SERAC1: variants seen among roughly 807,000 people sequenced by gnomAD.
The protein encoded by SERAC1 is serine active site containing 1.
In SERAC1, 36 loss-of-function variants were observed where a neutral mutation model predicts 85.7. The observed-to-expected ratio is 0.42, with a 90% CI of 0.32 to 0.55. SERAC1 has a LOEUF of 0.55. SERAC1 is among the 20% of genes least tolerant of loss of function. The probability of loss-of-function intolerance (pLI) is 0.11; values close to 1 mark genes in which losing one functional copy is unlikely to be tolerated. For synonymous variants in SERAC1, 242 were observed against 265.3 expected (o/e 0.91, Z 0.85); for missense variants, 629 against 796.2 (o/e 0.79, Z 2.53).
chr6:158,163,914 T>C (rs1044605085), intron 1 of SERAC1, among the ~76,000 whole-genome samples: 1 of 151,834 alleles, frequency 6.6e-6, no homozygotes, highest in African/African-American at 2.4e-5. Context: ...TTTTTGTATT[T>C]TGGGTAGAGA....
rs376812391 is a variant in SERAC1 at position 158,137,809 on chromosome 6, G to C, written c.738+5247C>G. ...TGAGAGGATCACTTGAGCCCAGAAG[G>C]TGGAGGTTGTAGTGAGCTGAGACCA... On this transcript the variant is annotated intron_variant, in intron 8 of 16. Transcript: ENST00000647468. 3.3e-5 allele frequency among the ~76,000 whole-genome samples: 5 copies of C among 152,136 alleles called. No homozygotes were observed. The East Asian group carries it at 9.7e-4, about 30-fold the overall frequency.
chr6:158,133,271 C>T (rs1252073345), intron 8 of SERAC1, among the ~76,000 whole-genome samples: 1 of 150,728 alleles, frequency 6.6e-6, no homozygotes, highest in African/African-American at 2.4e-5. Context: ...TGCACCCCAG[C>T]CTGGGCAACA....
intron 2 of SERAC1, among the ~76,000 whole-genome samples, chr6:158,156,959 A>G (rs12196435): frequency 0.21 from 21,602 of 103,508 alleles, 2,598 homozygotes; most frequent in Middle Eastern, 0.4. Context: ...TATTTATATA[A>G]ATATTAATAT....
At chr6:158,166,301 A>C (rs1744357252) in intron 1 of SERAC1, 1 of 152,176 alleles carries the variant, frequency 6.6e-6, no homozygotes. Flanking sequence ...GTGGTATACT[A>C]AACTCCCGTA....
chr6:158,116,178 C>CACTT lies in SERAC1; in HGVS notation c.1501+3_1501+6dup, dbSNP rs780783562. The CACTT allele has an allele frequency of 1.4e-5, 22 of 1,611,682 alleles. No homozygotes were observed. The highest frequency in any genetic ancestry group is 1.1e-4 in the African/African-American group (8 of 74,864). On this transcript the variant is annotated splice_region_variant and intron_variant, in intron 14 of 16. Transcript: ENST00000647468. The stretch of plus-strand genomic sequence containing the variant: ...TGGCCACTTCACAAAGTTGAAGCCA[C>CACTT]ACTTACCTCCCATGCTATGTGATAT...
intron 10 of SERAC1, among the ~76,000 whole-genome samples, chr6:158,124,748 AACACACACACACACACACAC>A (rs201023302): frequency 1.4e-4 from 18 of 131,478 alleles, no homozygotes; most frequent in East Asian, 8.8e-4. Flanking sequence ...AATGCTGGAA[AACACACACACACACACACAC>A]ACACACACAC....
In SERAC1 at chr6:158,125,805, G is replaced by A. The variant is rs113561416; in HGVS notation, c.1015+2303C>T. On this transcript the variant is annotated intron_variant, in intron 10 of 16. Transcript: ENST00000647468. The stretch of plus-strand genomic sequence containing the variant: ...GCAGGGGATGTGAACTGAATTATGG[G>A]GTTGTAAGGATCTTACATCATATGA... Among the ~76,000 whole-genome samples, 1,292 of 152,144 alleles carry A rather than the reference G, an allele frequency of 8.5e-3. 10 individuals carry two copies. Among genetic ancestry groups the A allele is most frequent in the South Asian group, 0.028 (135 of 4,816 alleles).
rs375304081 is a variant in SERAC1, at chr6:158,117,841, T to C, written c.1309-20A>G. ...CCATGTCTAAGTAAAATAAAACATATGTGAGAACAAGTATGAATCTTCACC... is the reference window on the plus strand; with the variant it reads ...CCATGTCTAAGTAAAATAAAACATACGTGAGAACAAGTATGAATCTTCACC... On this transcript the variant is annotated intron_variant, in intron 12 of 16. Coordinates refer to ENST00000647468, the MANE Select transcript of SERAC1 (RefSeq NM_032861.4). The surrounding 1 kb of genome is among the most constrained non-coding windows in gnomAD (Gnocchi z 4.3). 1.9e-6 allele frequency: 3 copies of C among 1,588,720 alleles called. No homozygotes were observed. The highest frequency in any genetic ancestry group is 2.6e-6 in the Non-Finnish European group (3 of 1,158,416).
At chr6:158,142,508 C>T (rs1271361521) in intron 8 of SERAC1, among the ~76,000 whole-genome samples, 1 of 145,512 alleles carries the variant, frequency 6.9e-6, no homozygotes, top group Admixed American at 6.9e-5. Context: ...GGCGGAGTCT[C>T]GCTCTGTCAC....
chr6:158,119,041 C>A lies in SERAC1; in HGVS notation c.1296G>T (p.Thr432=). ...KPMEDEDRYT[T]CWPKTWLAKD... ...GTGGCTCCCTTACCTTGGGCCAGCA[C>A]GTCGTATATCTGTCTTCATCCTCCA... The change falls in exon 12 of 17, where the codon ACG becomes ACT. Residue 432 remains threonine (T), a synonymous_variant. Transcript: ENST00000647468. The surrounding 1 kb of genome is among the most constrained non-coding windows in gnomAD (Gnocchi z 4.5). The A allele has an allele frequency of 1.9e-6, 3 of 1,612,828 alleles. No individual in the cohort carries two copies. Among genetic ancestry groups the A allele is most frequent in the South Asian group, 2.2e-5 (2 of 90,804 alleles).
Position 158,114,788 on chromosome 6 carries a change from C to G in SERAC1, c.1684+1G>C. Reference sequence around the variant, plus strand: ...ATTTCCTTTATGACAAAAAGTATTACCCTTGCTGAGTTCTTTGACTTCCAA... The same window carrying G: ...ATTTCCTTTATGACAAAAAGTATTAGCCTTGCTGAGTTCTTTGACTTCCAA... On this transcript the variant is annotated splice_donor_variant, in intron 15 of 16. Coordinates refer to ENST00000647468, the MANE Select transcript of SERAC1 (RefSeq NM_032861.4). LOFTEE classifies it high-confidence loss of function. 1.2e-6 allele frequency: 2 copies of G among 1,613,712 alleles called. No homozygotes were observed. Among genetic ancestry groups the G allele is most frequent in the African/African-American group, 2.7e-5 (2 of 75,028 alleles).
chr6:158,113,540 G>A lies in SERAC1; in HGVS notation c.1737C>T (p.Asp579=), dbSNP rs753615790. Residue 579 remains aspartate, a synonymous_variant, in exon 16 of 17, where the codon GAC becomes GAT. Coordinates refer to ENST00000647468, the MANE Select transcript of SERAC1 (RefSeq NM_032861.4). The part of the protein sequence containing the change: ...LQDDFLEFAK[D]KNFQVLNFVE... Reference sequence around the variant, plus strand: ...CAAAATTCAGCACCTGGAAGTTTTTGTCTTTAGCAAACTCCAGAAAGTCAT... The same window carrying A: ...CAAAATTCAGCACCTGGAAGTTTTTATCTTTAGCAAACTCCAGAAAGTCAT... 1.9e-6 allele frequency: 3 copies of A among 1,613,662 alleles called. No individual in the cohort carries two copies. Among genetic ancestry groups the A allele is most frequent in the Non-Finnish European group, 1.7e-6 (2 of 1,179,598 alleles).
chr6:158,124,667 C>A (rs1784495834), intron 10 of SERAC1, among the ~76,000 whole-genome samples: 1 of 150,118 alleles, frequency 6.7e-6, no homozygotes, highest in African/African-American at 2.5e-5. Context: ...TATAAGAGAA[C>A]AAAAGTGGGA....
intron 4 of SERAC1, 25 bp from the exon 5 acceptor site, chr6:158,148,979 AAACC>A (rs762616543): frequency 7.1e-6 from 11 of 1,541,326 alleles, no homozygotes; most frequent in Admixed American, 2.0e-5. Flanking sequence ...AAATTAAGTA[AAACC>A]AAGAATGTAT....
intron 14 of SERAC1, 136 bp from the exon 15 acceptor site, chr6:158,115,107 TCTGTA>T: frequency 2.3e-6 from 2 of 885,472 alleles, no homozygotes; most frequent in Non-Finnish European, 3.4e-6. Context: ...TAAACAATTC[TCTGTA>T]CAGTAGTATA....
intron 8 of SERAC1, among the ~76,000 whole-genome samples, chr6:158,135,088 A>G (rs1001922417): frequency 6.6e-6 from 1 of 152,112 alleles, no homozygotes; most frequent in Non-Finnish European, 1.5e-5. Context: ...CAATCTACAA[A>G]CCACTGCTTT....
chr6:158,164,973 A>G (rs1253358094), intron 1 of SERAC1, among the ~76,000 whole-genome samples: 1 of 152,156 alleles, frequency 6.6e-6, no homozygotes, highest in East Asian at 1.9e-4. Flanking sequence ...AGTCATCTTA[A>G]CACCAAGCAT....
chr6:158,133,192 G>A (rs765204224), intron 8 of SERAC1, among the ~76,000 whole-genome samples: 7 of 151,640 alleles, frequency 4.6e-5, no homozygotes, highest in Non-Finnish European at 7.4e-5. Flanking sequence ...CCAGCTACCC[G>A]GGAGGCTGAG....
chr6:158,131,993 A>G (rs1182386993), intron 8 of SERAC1, among the ~76,000 whole-genome samples: 1 of 148,218 alleles, frequency 6.7e-6, no homozygotes, highest in African/African-American at 2.5e-5. Context: ...ATCCTATGCT[A>G]CTACTCGTGT....
Sources: gnomAD v4.1 joint callset for allele counts (sites outside exome capture counted in the v4.1 genomes callset) on GRCh38, gnomAD v4.1.1 for gene constraint, Gnocchi (gnomAD v3.1) non-coding constraint, MANE v1.5 for transcripts, NCBI Gene and HGNC (gene_info 2026-07-23, HGNC 2026-07-21) for gene names.